Variants in SCAPER observed in about 807,000 individuals in gnomAD.
SCAPER encodes S-phase cyclin A associated protein in the ER, also known as S phase cyclin A-associated protein in the endoplasmic reticulum.
In SCAPER, 98 loss-of-function variants were observed where a neutral mutation model predicts 182.2. The ratio of observed to expected loss-of-function variants is 0.54; its 90% confidence interval spans 0.46 to 0.64. The LOEUF (loss-of-function observed/expected upper bound fraction) is 0.64. Among genes scored for constraint, SCAPER ranks in the 30% least tolerant of loss-of-function variants. SCAPER has a pLI of 0.00. For synonymous variants in SCAPER, 605 were observed against 564.6 expected (o/e 1.07, Z -1.01); for missense variants, 1,432 against 1,690.0 (o/e 0.85, Z 2.68).
At chr15:76,649,039 A>G (rs1043094841) in intron 21 of SCAPER, among the ~76,000 whole-genome samples, 1 of 152,212 alleles carries the variant, frequency 6.6e-6, no homozygotes, top group Admixed American at 6.5e-5. Flanking sequence ...AAGCTTGTCA[A>G]TAAAACTCCA....
At chr15:76,479,096 A>G (rs914313331) in intron 24 of SCAPER, among the ~76,000 whole-genome samples, 11 of 152,142 alleles carry the variant, frequency 7.2e-5, no homozygotes, top group Non-Finnish European at 1.3e-4. Context: ...TGTGGAATGT[A>G]TATCTACATA....
In SCAPER at chr15:76,793,425, A is replaced by T. The variant is rs2065125755; in HGVS notation, c.772+1855T>A. The T allele has an allele frequency of 9.0e-6, 5 of 554,036 alleles. No individual in the cohort carries two copies. The South Asian group carries it at 1.3e-4, about 15-fold the overall frequency. 34.3% of individuals were successfully genotyped at this position (554,036 alleles called of 1,614,324 possible). ...AACAAGGCAGTATTAGAACACTGGG[A>T]CTTTCAGCCCCAACTCCTCAGCCTT... On this transcript the variant is annotated intron_variant, in intron 8 of 31. Coordinates refer to ENST00000563290, the MANE Select transcript of SCAPER (RefSeq NM_020843.4).
At position 76,705,960 on chromosome 15, in the gene SCAPER, T is replaced by C. The variant is rs763498789; in HGVS notation, c.2190A>G (p.Ala730=). The change falls in exon 18 of 32, where the codon GCA becomes GCG. Residue 730 remains alanine, a synonymous_variant. Coordinates refer to ENST00000563290, the MANE Select transcript of SCAPER (RefSeq NM_020843.4). ...TAGCTTCTTGTTGAGCAGCTGTGAG[T>C]GCTGCCAATCGTTCTTCCCTGTCTC... is the stretch of plus-strand genomic sequence containing the variant. ...RARDREERLA[A]LTAAQQEAME... is the part of the protein sequence containing the mutation. 4.6e-5 allele frequency: 72 copies of C among 1,562,272 alleles called. 1 individual carries two copies. Among genetic ancestry groups the C allele is most frequent in the Non-Finnish European group, 6.1e-5 (71 of 1,155,206 alleles).
chr15:76,547,118 G>A (rs550751292), intron 23 of SCAPER, among the ~76,000 whole-genome samples: 3 of 152,274 alleles, frequency 2.0e-5, no homozygotes, highest in African/African-American at 4.8e-5. Flanking sequence ...CAACTTTACC[G>A]GAACTTGCTC....
At chr15:76,788,833 T>C (rs2064803992) in intron 8 of SCAPER, among the ~76,000 whole-genome samples, 1 of 152,086 alleles carries the variant, frequency 6.6e-6, no homozygotes, top group Non-Finnish European at 1.5e-5. Flanking sequence ...CAACATTTTG[T>C]CCCTCTCTAT....
intron 17 of SCAPER, among the ~76,000 whole-genome samples, chr15:76,706,704 C>T (rs1293187318): frequency 6.6e-6 from 1 of 152,076 alleles, no homozygotes; most frequent in Non-Finnish European, 1.5e-5. Flanking sequence ...AAGTGAAAAT[C>T]TACATACAGA....
At chr15:76,720,223 T>G (rs1387569909) in intron 17 of SCAPER, among the ~76,000 whole-genome samples, 1 of 152,134 alleles carries the variant, frequency 6.6e-6, no homozygotes, top group Admixed American at 6.5e-5. Context: ...AATGATGGTT[T>G]ACAGCTTCAT....
At chr15:76,597,329 T>C (rs947437384) in intron 22 of SCAPER, among the ~76,000 whole-genome samples, 1 of 121,712 alleles carries the variant, frequency 8.2e-6, no homozygotes, top group Non-Finnish European at 2.0e-5. Context: ...TGAAAAACAT[T>C]CCATGCTAAT....
At chr15:76,423,178 T>C (rs2046172788) in intron 26 of SCAPER, among the ~76,000 whole-genome samples, 1 of 152,234 alleles carries the variant, frequency 6.6e-6, no homozygotes, top group Non-Finnish European at 1.5e-5. Flanking sequence ...TTGATTGGAA[T>C]AGTTTCAGAA....
chr15:76,453,560 C>T (rs981510588), intron 25 of SCAPER, among the ~76,000 whole-genome samples: 4 of 152,116 alleles, frequency 2.6e-5, no homozygotes, highest in South Asian at 2.1e-4. Context: ...ACAGAAGCAA[C>T]GCTGTGTTAT....
intron 3 of SCAPER, among the ~76,000 whole-genome samples, chr15:76,859,331 G>C (rs2071679639): frequency 6.6e-6 from 1 of 152,156 alleles, no homozygotes; most frequent in African/African-American, 2.4e-5. Flanking sequence ...CTAACCTACA[G>C]AGCCACATCC....
At chr15:76,432,517 C>A (rs2046935962) in intron 26 of SCAPER, among the ~76,000 whole-genome samples, 1 of 152,184 alleles carries the variant, frequency 6.6e-6, no homozygotes, top group Admixed American at 6.5e-5. Flanking sequence ...TGTTAACCAA[C>A]CATAAGCTTC....
At chr15:76,739,187 T>C (rs1163039663) in intron 15 of SCAPER, among the ~76,000 whole-genome samples, 1 of 152,182 alleles carries the variant, frequency 6.6e-6, no homozygotes, top group African/African-American at 2.4e-5. Context: ...TCAATTTTTG[T>C]ATCTTCAAGA....
chr15:76,356,107 G>A (rs1259557334), intron 29 of SCAPER, among the ~76,000 whole-genome samples: 1 of 152,162 alleles, frequency 6.6e-6, no homozygotes, highest in East Asian at 1.9e-4. Flanking sequence ...TCTAGTCTAT[G>A]CTGTCTTTCC....
chr15:76,645,905 T>C (rs2054507052), intron 21 of SCAPER, among the ~76,000 whole-genome samples: 1 of 152,112 alleles, frequency 6.6e-6, no homozygotes, highest in African/African-American at 2.4e-5. Flanking sequence ...CACCTCAAAG[T>C]TCTGTCAGAA....
chr15:76,604,733 G>T (rs2956382), intron 22 of SCAPER, among the ~76,000 whole-genome samples: 138,135 of 151,186 alleles, frequency 0.91, 63,335 homozygotes, highest in Admixed American at 0.97. Context: ...CCTTGAAGAG[G>T]TCCTTCACAT....
At chr15:76,513,407 A>T (rs964021788) in intron 23 of SCAPER, among the ~76,000 whole-genome samples, 2 of 152,216 alleles carry the variant, frequency 1.3e-5, no homozygotes, top group African/African-American at 4.8e-5. Flanking sequence ...TGATTTCTTC[A>T]TCTCATGGGG....
intron 26 of SCAPER, 124 bp from the exon 27 acceptor site, chr15:76,404,803 G>A (rs1026601912): frequency 3.8e-6 from 3 of 783,508 alleles, no homozygotes; most frequent in South Asian, 4.1e-5. Flanking sequence ...ACACAAGTTT[G>A]AGTAAAGCAT....
intron 1 of SCAPER, among the ~76,000 whole-genome samples, chr15:76,897,365 T>C (rs1016003091): frequency 6.6e-6 from 1 of 152,112 alleles, no homozygotes; most frequent in African/African-American, 2.4e-5. Context: ...TCATAAATTC[T>C]TAATTACAGG....
Sources: allele counts gnomAD v4.1 joint callset (sites outside exome capture counted in the v4.1 genomes callset), GRCh38; gene constraint gnomAD v4.1.1; transcripts MANE v1.5; gene names NCBI Gene and HGNC (gene_info 2026-07-23, HGNC 2026-07-21).